Variants in GAB1 observed in about 807,000 individuals in gnomAD.
The protein encoded by GAB1 is GRB2 associated binding protein 1.
In GAB1, 19 loss-of-function variants were observed where a neutral mutation model predicts 66.5. That is an observed-to-expected ratio of 0.29 (90% confidence interval 0.20 to 0.42). GAB1 has a LOEUF of 0.42. Ranked by LOEUF, GAB1 falls within the 10% of genes least tolerant of loss-of-function variation. The probability of loss-of-function intolerance (pLI) is 1.00; values close to 1 mark genes in which losing one functional copy is unlikely to be tolerated. For synonymous variants in GAB1, 294 were observed against 301.4 expected, an observed-to-expected ratio of 0.98 and a Z score of 0.25; for missense variants, 732 against 858.5, an observed-to-expected ratio of 0.85 and a Z score of 1.84.
At chr4:143,354,492 T>G (rs1376262203) in intron 1 of GAB1, among the ~76,000 whole-genome samples, 2 of 152,152 alleles carry the variant, frequency 1.3e-5, no homozygotes, top group East Asian at 1.9e-4. Context: ...AACTTACAGT[T>G]TTCCATTTTG....
At chr4:143,439,930 T>C in intron 5 of GAB1, 43 bp downstream of exon 5, 1 of 1,500,652 alleles carries the variant, frequency 6.7e-7, no homozygotes, top group East Asian at 2.3e-5. Flanking sequence ...TATTTCATTG[T>C]CTAAATCTTC....
chr4:143,446,716 T>C (rs1477857935), intron 6 of GAB1, among the ~76,000 whole-genome samples: 2 of 152,194 alleles, frequency 1.3e-5, no homozygotes, highest in African/African-American at 2.4e-5. Flanking sequence ...ATGAGTAGGT[T>C]GCGAAAATTT....
Position 143,337,634 on chromosome 4 carries a change from G to A in GAB1, c.72+374G>A, listed in dbSNP as rs1420414071. ...GCTTTATTCCTGCATCTGATTATTG[G>A]GCTGATGTGTGCTAAAGCTCCCGCA... On this transcript the variant is annotated intron_variant, in intron 1 of 9. Transcript: ENST00000262994. 1.3e-5 allele frequency among the ~76,000 whole-genome samples: 2 copies of A among 152,102 alleles called. 1 individual carries two copies. The highest frequency in any genetic ancestry group is 4.8e-5 in the African/African-American group (2 of 41,406).
At chr4:143,446,413 G>A (rs559191258) in intron 6 of GAB1, among the ~76,000 whole-genome samples, 2 of 151,948 alleles carry the variant, frequency 1.3e-5, no homozygotes, top group East Asian at 1.9e-4. Flanking sequence ...CCCACCAACA[G>A]TGTAAAAGTG....
At chr4:143,351,102 C>T (rs1046205605) in intron 1 of GAB1, among the ~76,000 whole-genome samples, 30 of 152,182 alleles carry the variant, frequency 2.0e-4, no homozygotes, top group African/African-American at 6.8e-4. Context: ...GCGTGTGTTA[C>T]GGGGTGCTCT....
At chr4:143,405,718 A>G (rs916363110) in intron 1 of GAB1, among the ~76,000 whole-genome samples, 4 of 152,190 alleles carry the variant, frequency 2.6e-5, no homozygotes, top group Non-Finnish European at 5.9e-5. Context: ...CAGTTGTACA[A>G]AGGGTTGATT....
At chr4:143,434,167 C>G (rs1175606366) in intron 3 of GAB1, 1 of 1,278,548 alleles carries the variant, frequency 7.8e-7, no homozygotes, top group Admixed American at 2.3e-5. Context: ...GATTCCATTG[C>G]AGTGAGTGTG....
chr4:143,425,213 G>T, intron 2 of GAB1: 1 of 887,888 alleles, frequency 1.1e-6, no homozygotes, highest in South Asian at 1.3e-5. Context: ...AGAGGACCTG[G>T]GAGAAGCTTC....
chr4:143,429,436 C>T (rs112031437), intron 2 of GAB1, among the ~76,000 whole-genome samples: 401 of 152,168 alleles, frequency 2.6e-3, no homozygotes, highest in African/African-American at 9.2e-3. Flanking sequence ...CCTTTTAGAT[C>T]GACTTTGTTC....
At chr4:143,424,181 C>T (rs1560759802) in intron 2 of GAB1, among the ~76,000 whole-genome samples, 1 of 152,092 alleles carries the variant, frequency 6.6e-6, no homozygotes, top group Non-Finnish European at 1.5e-5. Flanking sequence ...AGAATTCATA[C>T]TGTTTCATAT....
intron 6 of GAB1, among the ~76,000 whole-genome samples, chr4:143,447,838 G>A (rs1734650707): frequency 2.0e-5 from 3 of 152,202 alleles, no homozygotes; most frequent in South Asian, 2.1e-4. Context: ...AATAGGAGTG[G>A]TGAGAGAGGG....
At chr4:143,422,675 A>T (rs983392251) in intron 2 of GAB1, among the ~76,000 whole-genome samples, 16 of 152,308 alleles carry the variant, frequency 1.1e-4, no homozygotes, top group African/African-American at 3.8e-4. Flanking sequence ...TAAACTGTGC[A>T]TTAGGCTAGG....
chr4:143,422,937 G>A (rs1733099421), intron 2 of GAB1, among the ~76,000 whole-genome samples: 1 of 152,214 alleles, frequency 6.6e-6, no homozygotes, highest in Non-Finnish European at 1.5e-5. Context: ...TTAGTTCTTA[G>A]AAGCTTGATA....
At chr4:143,465,729 T>C (rs775552272) in intron 8 of GAB1, among the ~76,000 whole-genome samples, 37 of 152,168 alleles carry the variant, frequency 2.4e-4, no homozygotes, top group Non-Finnish European at 4.7e-4. Flanking sequence ...TGTGAAAGCC[T>C]TTAGATAAAA....
intron 6 of GAB1, among the ~76,000 whole-genome samples, chr4:143,449,118 C>T (rs1252327553): frequency 7.1e-6 from 1 of 141,786 alleles, no homozygotes; most frequent in East Asian, 1.9e-4. Flanking sequence ...GTTTCTTAAT[C>T]CTGAGTAGTA....
chr4:143,357,567 G>A (rs569013944), intron 1 of GAB1, among the ~76,000 whole-genome samples: 2 of 152,120 alleles, frequency 1.3e-5, no homozygotes, highest in South Asian at 2.1e-4. Flanking sequence ...TTTTTTTCCT[G>A]TTTACCTGTT....
At chr4:143,420,605 T>A (rs1158207424) in intron 2 of GAB1, among the ~76,000 whole-genome samples, 2 of 152,112 alleles carry the variant, frequency 1.3e-5, no homozygotes, top group Admixed American at 6.5e-5. Flanking sequence ...ACAGATTTAT[T>A]TTTGTTTCTG....
At chr4:143,359,914 T>C (rs1269903297) in intron 1 of GAB1, among the ~76,000 whole-genome samples, 1 of 152,326 alleles carries the variant, frequency 6.6e-6, no homozygotes, top group East Asian at 1.9e-4. Flanking sequence ...ACTTTGAAGA[T>C]CTCAATTTGA....
At chr4:143,461,794 C>G (rs2149793036) in intron 8 of GAB1, among the ~76,000 whole-genome samples, 1 of 152,202 alleles carries the variant, frequency 6.6e-6, no homozygotes, top group South Asian at 2.1e-4. Context: ...TAAAACAGCC[C>G]TATTTAGAGG....
Sources: gnomAD v4.1 joint callset for allele counts (sites outside exome capture counted in the v4.1 genomes callset) on GRCh38, gnomAD v4.1.1 for gene constraint, MANE v1.5 for transcripts, NCBI Gene and HGNC (gene_info 2026-07-23, HGNC 2026-07-21) for gene names.